NPM2: variants seen among roughly 807,000 people sequenced by gnomAD.
The protein encoded by NPM2 is nucleoplasmin-2.
In NPM2, 25 loss-of-function variants were observed where a neutral mutation model predicts 32.0. The ratio of observed to expected loss-of-function variants is 0.78; its 90% CI spans 0.57 to 1.09. NPM2 has a LOEUF of 1.09. Among genes scored for constraint, NPM2 ranks in the 50% least tolerant of loss-of-function variants. The pLI is 0.00. For missense variants in NPM2, 282 were observed against 259.9 expected (o/e 1.08, Z -0.58); for synonymous variants, 111 against 94.2 (o/e 1.18, Z -1.04).
In NPM2 at chr8:22,025,419, C is replaced by A. The variant is rs762378148; in HGVS notation, c.59-17C>A. 1 of 1,612,730 alleles carries A rather than the reference C, an allele frequency of 6.2e-7. No homozygotes were observed. The highest frequency in any genetic ancestry group is 8.5e-7 in the Non-Finnish European group (1 of 1,179,330). The stretch of plus-strand genomic sequence containing the variant: ...AACGAATGGAGGGCCCCACTTCCCT[C>A]CCTTTCTCCTCCGCAGGCTGCGAGC... On this transcript the variant is annotated splice_polypyrimidine_tract_variant and intron_variant, in intron 3 of 9. Transcript: ENST00000518119.
chr8:22,036,681 G>A lies in NPM2; in HGVS notation c.644G>A (p.Ter215=), dbSNP rs1427283720. 2 of 1,547,228 alleles carry A rather than the reference G, an allele frequency of 1.3e-6. No individual in the cohort carries two copies. Among genetic ancestry groups the A allele is most frequent in the Non-Finnish European group, 1.7e-6 (2 of 1,146,160 alleles). The change falls in exon 10 of 10, where the codon TGA becomes TAA. Residue 215 remains the stop codon, a stop_retained_variant. Transcript: ENST00000518119. ...GCCAAGAAGCCAGGATTCAAGAAAT[G>A]AGGAGCCACGCCTTGGGGGGCACGG... ...ARAKKPGFKK[*] is the part of the protein sequence containing the mutation.
rs767163549 is a variant in NPM2, at chr8:22,034,500, T to C, written c.532-10T>C. ...TGAACTCTCATAATACACTGTTTTTTGGTTCCCAGAAAAAAAAGCTGGAAA... is the reference window on the plus strand; with the variant it reads ...TGAACTCTCATAATACACTGTTTTTCGGTTCCCAGAAAAAAAAGCTGGAAA... On this transcript the variant is annotated splice_polypyrimidine_tract_variant and intron_variant, in intron 7 of 9. Coordinates refer to ENST00000518119, the MANE Select transcript of NPM2 (RefSeq NM_001286680.2). 1 of 1,610,690 alleles carries C rather than the reference T, an allele frequency of 6.2e-7. No homozygotes were observed. The highest frequency in any genetic ancestry group is 8.5e-7 in the Non-Finnish European group (1 of 1,177,166).
chr8:22,026,454 C>CTTTTTT (rs1171179196), intron 5 of NPM2, among the ~76,000 whole-genome samples: 4,635 of 110,880 alleles, frequency 0.042, 254 homozygotes, highest in African/African-American at 0.11. Context: ...CAGTTCTTGC[C>CTTTTTT]TTTTTTTTTT....
intron 3 of NPM2, 43 bp from the exon 4 acceptor site, chr8:22,025,393 G>A: frequency 6.2e-7 from 1 of 1,606,700 alleles, no homozygotes; most frequent in Non-Finnish European, 8.5e-7. Context: ...CCTCCTTTGG[G>A]AACGAATGGA....
Position 22,034,171 on chromosome 8 carries a change from G to A in NPM2, c.427G>A (p.Glu143Lys). Residue 143 changes from glutamate to lysine, a missense_variant, in exon 7 of 10, where the codon GAG (glutamate) becomes AAG (lysine). By Grantham distance (56) the Glu-to-Lys change is moderately conservative (BLOSUM62 1). Coordinates refer to ENST00000518119, the MANE Select transcript of NPM2 (RefSeq NM_001286680.2). ...AGAAGGGGAGGAGGAGGAAGAGGAA[G>A]AGGAAGATGATGAGGATGAGGATGC... ...EEEGEEEEEE[E>K]EDDEDEDADI... The A allele has an allele frequency of 6.2e-7, 1 of 1,613,066 alleles. No individual in the cohort carries two copies. The highest frequency in any genetic ancestry group is 8.5e-7 in the Non-Finnish European group (1 of 1,179,590).
At chr8:22,028,708 G>C (rs1800338747) in intron 5 of NPM2, among the ~76,000 whole-genome samples, 1 of 152,212 alleles carries the variant, frequency 6.6e-6, no homozygotes, top group South Asian at 2.1e-4. Context: ...CTCTCATTTG[G>C]AATAAGAGCC....
In NPM2 at chr8:22,036,766, C is replaced by T. The variant is rs2117471613; in HGVS notation, c.*84C>T. 1 of 1,364,120 alleles carries T rather than the reference C, an allele frequency of 7.3e-7. No homozygotes were observed. The highest frequency in any genetic ancestry group is 1.4e-5 in the South Asian group (1 of 69,376). The allele number at this position is 1,364,120 out of a possible 1,614,324, so 84.5% of individuals were successfully genotyped here. ...CACAGGGTGCCCCTGTCCAGCCCCT[C>T]CACCTGTGTCTGAATGCAACAGGGG... is the stretch of plus-strand genomic sequence containing the variant. On this transcript the variant is annotated 3_prime_UTR_variant, in exon 10 of 10. Transcript: ENST00000518119.
chr8:22,027,127 A>G (rs1422510056), intron 5 of NPM2, among the ~76,000 whole-genome samples: 1 of 152,160 alleles, frequency 6.6e-6, no homozygotes, highest in Non-Finnish European at 1.5e-5. Context: ...TCATATATTG[A>G]GCCCTTTTTT....
chr8:22,030,764 T>C (rs953237619), intron 5 of NPM2, among the ~76,000 whole-genome samples: 9 of 152,094 alleles, frequency 5.9e-5, no homozygotes, highest in African/African-American at 2.2e-4. Context: ...ACTGCAGCCT[T>C]GAACTCCTGA....
chr8:22,030,971 C>G (rs1010617286), intron 5 of NPM2, among the ~76,000 whole-genome samples: 1 of 152,134 alleles, frequency 6.6e-6, no homozygotes, highest in African/African-American at 2.4e-5. Flanking sequence ...ATACGGTGAG[C>G]TCATCTTTAG....
intron 5 of NPM2, among the ~76,000 whole-genome samples, chr8:22,028,665 G>A (rs765651029): frequency 7.9e-5 from 12 of 151,992 alleles, no homozygotes; most frequent in Non-Finnish European, 1.3e-4. Flanking sequence ...AGATCATGTG[G>A]CTTCTCTGCT....
intron 5 of NPM2, among the ~76,000 whole-genome samples, chr8:22,031,182 C>G (rs147547912): frequency 2.3e-3 from 350 of 152,288 alleles, no homozygotes; most frequent in African/African-American, 7.8e-3. Flanking sequence ...GGTATGGGCT[C>G]TCACTGGAGA....
chr8:22,024,909 C>T (rs1800181718), intron 2 of NPM2, 79 bp downstream of exon 2: 2 of 331,404 alleles, frequency 6.0e-6, no homozygotes, highest in Non-Finnish European at 5.5e-6. Flanking sequence ...TGCACAGAGG[C>T]TTTTGAGTCA....
At chr8:22,029,078 A>G (rs944063892) in intron 5 of NPM2, among the ~76,000 whole-genome samples, 2 of 152,094 alleles carry the variant, frequency 1.3e-5, no homozygotes, top group Non-Finnish European at 2.9e-5. Flanking sequence ...ACATTACTCA[A>G]AGTTTAGAAT....
At chr8:22,033,927 C>G (rs1800526739) in intron 6 of NPM2, among the ~76,000 whole-genome samples, 182 bp from the exon 7 acceptor site, 1 of 152,164 alleles carries the variant, frequency 6.6e-6, no homozygotes, top group Non-Finnish European at 1.5e-5. Flanking sequence ...CTGGCCTCCA[C>G]TGTTGGGAGG....
Position 22,025,521 on chromosome 8 carries a change from G to T in NPM2, c.144G>T (p.Thr48=), listed in dbSNP as rs146074761. ...GKQSCRLLLH[T]ICLGEKAKEE... ...AGAGCTGCAGGCTGTTGCTTCATAC[G>T]GTAGGTGTTCCCAAAAGAGGGGAGG... is the stretch of plus-strand genomic sequence containing the variant. Residue 48 remains threonine, a splice_region_variant and synonymous_variant, in exon 4 of 10, where the codon ACG becomes ACT. Transcript: ENST00000518119. 81 of 1,614,052 alleles carry T rather than the reference G, an allele frequency of 5.0e-5. No individual in the cohort carries two copies. The African/African-American group carries it at 9.9e-4, about 20-fold the overall frequency.
intron 8 of NPM2, 104 bp downstream of exon 8, chr8:22,034,648 G>T: frequency 1.0e-6 from 1 of 960,802 alleles, no homozygotes; most frequent in South Asian, 1.5e-5. Flanking sequence ...ATGTACACAC[G>T]GTGTGTCTAC....
chr8:22,026,757 T>TTTTC lies in NPM2; in HGVS notation c.270+1001_270+1004dup, dbSNP rs200792953. On this transcript the variant is annotated intron_variant, in intron 5 of 9. Coordinates refer to ENST00000518119, the MANE Select transcript of NPM2 (RefSeq NM_001286680.2). ...GGCGTGAGTCACCACGCCAGGTCTT[T>TTTTC]TTTCTTTCTTTCTTTCTTTTAATCC... Among the ~76,000 whole-genome samples, 386 of 152,190 alleles carry TTTTC rather than the reference T, an allele frequency of 2.5e-3. 3 individuals carry two copies. Among genetic ancestry groups the TTTTC allele is most frequent in the African/African-American group, 8.7e-3 (360 of 41,518 alleles).
chr8:22,026,030 T>C (rs2117445849), intron 5 of NPM2, among the ~76,000 whole-genome samples: 1 of 152,202 alleles, frequency 6.6e-6, no homozygotes, highest in East Asian at 1.9e-4. Context: ...CCAGAACTCG[T>C]CCTGTTAGGA....
Sources: gnomAD v4.1 joint callset for allele counts (sites outside exome capture counted in the v4.1 genomes callset) on GRCh38, gnomAD v4.1.1 for gene constraint, MANE v1.5 for transcripts, NCBI Gene and HGNC (gene_info 2026-07-23, HGNC 2026-07-21) for gene names.